The following MYO16 variants were observed in gnomAD, a reference collection of about 807,000 sequenced individuals.
MYO16 encodes the protein unconventional myosin-XVI.
In MYO16, 94 loss-of-function variants were observed where a neutral mutation model predicts 205.3. The observed-to-expected ratio is 0.46, with a 90% CI of 0.39 to 0.54. The LOEUF is 0.54. Ranked by LOEUF, MYO16 falls within the 20% of genes least tolerant of loss-of-function variation. MYO16 has a pLI of 0.00. For synonymous variants in MYO16, 988 were observed against 954.0 expected (o/e 1.04, Z -0.66); for missense variants, 2,315 against 2,387.5 (o/e 0.97, Z 0.63).
chr13:109,199,215 T>TAC (rs1880302752), intron 34 of MYO16, among the ~76,000 whole-genome samples: 1 of 96,712 alleles, frequency 1.0e-5, no homozygotes, highest in East Asian at 4.7e-4. Flanking sequence ...TATATATATA[T>TAC]ATATATATAT....
upstream of MYO16, among the ~76,000 whole-genome samples, chr13:108,592,293 A>G (rs1468948303): frequency 1.6e-4 from 4 of 25,274 alleles, no homozygotes; most frequent in Admixed American, 6.2e-4. Flanking sequence ...CTGTGTGTGG[A>G]GTGTGTCCGG....
chr13:108,508,612 A>AT, the MYO16 span, among the ~76,000 whole-genome samples: 3 of 151,866 alleles, frequency 2.0e-5, no homozygotes, highest in Non-Finnish European at 4.4e-5. Context: ...CATTGGATGC[A>AT]TTTTTTCCTC....
chr13:108,653,462 G>A (rs1464307992), intron 1 of MYO16, among the ~76,000 whole-genome samples: 1 of 151,982 alleles, frequency 6.6e-6, no homozygotes, highest in African/African-American at 2.4e-5. Flanking sequence ...TCATTGCCAA[G>A]TCCAATGTCA....
the MYO16 span, among the ~76,000 whole-genome samples, chr13:108,501,108 C>A: frequency 1.0e-3 from 152 of 152,212 alleles, no homozygotes; most frequent in Non-Finnish European, 1.3e-3. Flanking sequence ...AGAGGTCCCT[C>A]TTCTGCTGCC....
rs116843049 is a variant in MYO16, at chr13:109,134,426, T to A, written c.4052-5838T>A. ...ACAGGTTTACATAAAGTAGTGATTG[T>A]TTTACTATCCCTCTCAGGCTCTGGG... On this transcript the variant is annotated intron_variant, in intron 31 of 34. Transcript: ENST00000457511. Among the ~76,000 whole-genome samples the A allele has an allele frequency of 2.9e-3, 449 of 152,316 alleles. 1 individual carries two copies. Among genetic ancestry groups the A allele is most frequent in the Non-Finnish European group, 5.4e-3 (370 of 68,026 alleles).
At chr13:108,843,579 T>G (rs2139070843) in intron 9 of MYO16, among the ~76,000 whole-genome samples, 1 of 152,312 alleles carries the variant, frequency 6.6e-6, no homozygotes, top group South Asian at 2.1e-4. Flanking sequence ...ATGAAATAAT[T>G]ATGTTTACAT....
intron 16 of MYO16, among the ~76,000 whole-genome samples, chr13:108,942,285 A>G (rs533666943): frequency 1.4e-4 from 21 of 152,294 alleles, no homozygotes; most frequent in Middle Eastern, 3.4e-3. Flanking sequence ...TACTCTAAGC[A>G]TCTGTGTTAC....
chr13:108,803,418 C>A (rs9301322), intron 6 of MYO16, among the ~76,000 whole-genome samples: 98,550 of 152,082 alleles, frequency 0.65, 33,417 homozygotes, highest in East Asian at 0.77. Context: ...AGTATGTTTT[C>A]TAGCAATTAA....
chr13:109,033,429 T>C (rs1026448331), intron 23 of MYO16, among the ~76,000 whole-genome samples: 8 of 152,184 alleles, frequency 5.3e-5, no homozygotes, highest in African/African-American at 1.7e-4. Flanking sequence ...CTTCAAGAGC[T>C]CCATTATCTT....
chr13:108,628,252 C>T (rs912330803), upstream of MYO16, among the ~76,000 whole-genome samples: 2 of 152,146 alleles, frequency 1.3e-5, no homozygotes, highest in African/African-American at 2.4e-5. Context: ...ATTGTGGAAT[C>T]AACGAATAAA....
chr13:108,703,999 G>A (rs1036335238), intron 2 of MYO16, among the ~76,000 whole-genome samples: 1 of 152,138 alleles, frequency 6.6e-6, no homozygotes, highest in Admixed American at 6.5e-5. Context: ...TGCCATCAGA[G>A]AGTCACATGT....
At chr13:109,206,533 G>C (rs1880603743) in intron 34 of MYO16, 76 bp from the exon 35 acceptor site, 1 of 1,074,452 alleles carries the variant, frequency 9.3e-7, no homozygotes, top group Non-Finnish European at 1.4e-6. Context: ...TTTGTATCCA[G>C]GTGTTGCTAT....
the MYO16 span, among the ~76,000 whole-genome samples, chr13:108,500,221 G>GT: frequency 8.6e-4 from 15 of 17,406 alleles, 1 homozygote; most frequent in African/African-American, 3.2e-3. Flanking sequence ...TTTTTTTTTT[G>GT]TTTTTTTTTT....
intron 7 of MYO16, among the ~76,000 whole-genome samples, chr13:108,816,774 GCCCTC>G (rs1875636064): frequency 6.6e-6 from 1 of 152,124 alleles, no homozygotes. Context: ...CCTAAAATAT[GCCCTC>G]CTGAACACCA....
intron 16 of MYO16, among the ~76,000 whole-genome samples, chr13:108,952,594 T>C (rs1429324567): frequency 5.9e-5 from 9 of 152,226 alleles, no homozygotes; most frequent in Non-Finnish European, 1.0e-4. Flanking sequence ...ACAGTATTAA[T>C]CCATCTGTAG....
chr13:108,873,733 C>T (rs1879187925), intron 12 of MYO16, among the ~76,000 whole-genome samples: 2 of 129,516 alleles, frequency 1.5e-5, no homozygotes, highest in Non-Finnish European at 3.4e-5. Flanking sequence ...CCCATGCCAA[C>T]CACCAGGACA....
At chr13:108,658,832 T>C (rs1566533726) in intron 1 of MYO16, among the ~76,000 whole-genome samples, 2 of 152,294 alleles carry the variant, frequency 1.3e-5, no homozygotes, top group East Asian at 3.9e-4. Context: ...TCATAAATCA[T>C]CTATGAATTC....
intron 3 of MYO16, among the ~76,000 whole-genome samples, chr13:108,723,082 C>A (rs1184254626): frequency 1.3e-5 from 2 of 152,068 alleles, no homozygotes; most frequent in Admixed American, 1.3e-4. Context: ...TTGAGACGAT[C>A]TGATAATAGG....
intron 2 of MYO16, among the ~76,000 whole-genome samples, chr13:108,702,530 C>T (rs1394072231): frequency 6.6e-6 from 1 of 152,014 alleles, no homozygotes; most frequent in Non-Finnish European, 1.5e-5. Flanking sequence ...CAGGTCTGCC[C>T]TTCATGAAAT....
Sources: allele counts gnomAD v4.1 joint callset (sites outside exome capture counted in the v4.1 genomes callset), GRCh38; gene constraint gnomAD v4.1.1; transcripts MANE v1.5; gene names NCBI Gene and HGNC (gene_info 2026-07-23, HGNC 2026-07-21).